The following CDHR2 variants were observed in gnomAD, a reference collection of about 807,000 sequenced individuals.
CDHR2 encodes the protein cadherin related family member 2, also known as cadherin-related family member 2.
In CDHR2, 104 loss-of-function variants were observed where a neutral mutation model predicts 138.6. The ratio of observed to expected loss-of-function variants is 0.75; its 90% CI spans 0.64 to 0.88. CDHR2 has a LOEUF of 0.88. CDHR2 is among the 40% of genes least tolerant of loss of function. The pLI is 0.00. For synonymous variants in CDHR2, 755 were observed against 742.8 expected (o/e 1.02, Z -0.27); for missense variants, 1,624 against 1,727.6 (o/e 0.94, Z 1.06).
chr5:176,573,530 C>T (rs10055245), intron 6 of CDHR2, among the ~76,000 whole-genome samples: 39,832 of 151,202 alleles, frequency 0.26, 5,515 homozygotes, highest in East Asian at 0.47. Flanking sequence ...GCCTATAATC[C>T]CACCTACTGG....
Position 176,590,326 on chromosome 5 carries a change from A to T in CDHR2, c.3349A>T (p.Ser1117Cys). 1.2e-6 allele frequency: 2 copies of T among 1,613,984 alleles called. No individual in the cohort carries two copies. Among genetic ancestry groups the T allele is most frequent in the Non-Finnish European group, 1.7e-6 (2 of 1,179,982 alleles). ...GTCAGCCCTGACCCTTGATGAGCTG[A>T]GTGTGTGAGTGGGGCTGCCCTTGGG... is the stretch of plus-strand genomic sequence containing the variant. Reference protein sequence around the residue: ...NGSALTLDELSVMIRNDQDSL... With the variant: ...NGSALTLDELCVMIRNDQDSL... Residue 1117 changes from serine (S) to cysteine (C), a missense_variant, in exon 26 of 32, where the codon AGT becomes TGT. Physicochemically the swap from Ser to Cys is moderately radical, Grantham distance 112. This residue lies in a region of CDHR2 where 556 missense variants were observed against 565.7 expected (regional missense o/e 0.98). Coordinates refer to ENST00000261944, the MANE Select transcript of CDHR2 (RefSeq NM_017675.6).
At chr5:176,550,639 T>C (rs1757684444) in intron 1 of CDHR2, among the ~76,000 whole-genome samples, 2 of 152,116 alleles carry the variant, frequency 1.3e-5, no homozygotes, top group Non-Finnish European at 2.9e-5. Flanking sequence ...GAGAAGTAAA[T>C]GAAAAAGCAG....
Position 176,584,510 on chromosome 5 carries a change from G to C in CDHR2, c.2229G>C (p.Met743Ile). 6.2e-7 allele frequency: 1 copy of C among 1,613,690 alleles called. No homozygotes were observed. The highest frequency in any genetic ancestry group is 1.3e-5 in the African/African-American group (1 of 75,034). ...SLSGSGANYF[M>I]IRGLVLGAGW... ...CGGGGAGTGGTGCCAACTACTTCAT[G>C]ATCCGAGGCTTGGTGCTGGGGGCTG... Residue 743 changes from methionine to isoleucine, a missense_variant, in exon 19 of 32, where the codon ATG becomes ATC. Transcript: ENST00000261944.
intron 1 of CDHR2, among the ~76,000 whole-genome samples, chr5:176,557,209 C>CT (rs1757854153): frequency 1.3e-5 from 2 of 149,414 alleles, no homozygotes; most frequent in South Asian, 4.2e-4. Flanking sequence ...TGTTGTTTTG[C>CT]TTTTTTTGTT....
At chr5:176,574,031 G>T in intron 6 of CDHR2, 52 bp from the exon 7 acceptor site, 1 of 1,380,976 alleles carries the variant, frequency 7.2e-7, no homozygotes. Context: ...TGACGGACAA[G>T]GGAGAGGAGG....
chr5:176,592,171 GTGGTGT>G (rs1437426715), intron 30 of CDHR2, among the ~76,000 whole-genome samples: 11 of 146,424 alleles, frequency 7.5e-5, no homozygotes, highest in Non-Finnish European at 1.4e-4. Context: ...GATGGTGGTG[GTGGTGT>G]TGGTGTTGAG....
chr5:176,544,007 C>T (rs1757522731), intron 1 of CDHR2, among the ~76,000 whole-genome samples: 1 of 152,266 alleles, frequency 6.6e-6, no homozygotes, highest in Non-Finnish European at 1.5e-5. Context: ...TCCCCGCCTC[C>T]TGGGCGCATT....
chr5:176,562,916 C>T (rs537123284), intron 1 of CDHR2, among the ~76,000 whole-genome samples: 23 of 152,322 alleles, frequency 1.5e-4, no homozygotes, highest in African/African-American at 3.8e-4. Context: ...ATTACAATTA[C>T]GCCCTATACA....
At chr5:176,571,035 T>TAA (rs1758214744) in intron 5 of CDHR2, among the ~76,000 whole-genome samples, 178 bp from the exon 6 acceptor site, 1 of 7,742 alleles carries the variant, frequency 1.3e-4, no homozygotes, top group Non-Finnish European at 2.9e-4. Context: ...ACCTGGTCTC[T>TAA]ACAAAAAAAA....
At chr5:176,580,596 C>T (rs537593083) in intron 16 of CDHR2, among the ~76,000 whole-genome samples, 9 of 151,416 alleles carry the variant, frequency 5.9e-5, no homozygotes, top group Non-Finnish European at 1.0e-4. Flanking sequence ...AAGGGCCAGA[C>T]GTGGTGGCTC....
chr5:176,585,937 C>A lies in CDHR2; in HGVS notation c.2735-17C>A. ...AGCTTTTGCCCAGAGCCAAAGCCAG[C>A]TGACCTTGTCTCCTAGGAAGCCTCC... On this transcript the variant is annotated splice_polypyrimidine_tract_variant and intron_variant, in intron 19 of 31. Transcript: ENST00000261944. 1.2e-6 allele frequency: 2 copies of A among 1,608,238 alleles called. No homozygotes were observed. Among genetic ancestry groups the A allele is most frequent in the Non-Finnish European group, 1.7e-6 (2 of 1,174,868 alleles).
chr5:176,557,999 C>G (rs1301133607), intron 1 of CDHR2, among the ~76,000 whole-genome samples: 1 of 152,026 alleles, frequency 6.6e-6, no homozygotes, highest in African/African-American at 2.4e-5. Flanking sequence ...AGCCACCGAG[C>G]CTGGCCTATC....
intron 3 of CDHR2, chr5:176,567,172 C>CTTT (rs11392917): frequency 6.5e-3 from 1,906 of 294,394 alleles, no homozygotes; most frequent in East Asian, 0.017. Flanking sequence ...GTGCACAGGA[C>CTTT]TTTTTTTTTT....
intron 3 of CDHR2, among the ~76,000 whole-genome samples, chr5:176,568,334 C>T (rs1412760452): frequency 1.3e-5 from 2 of 152,224 alleles, no homozygotes; most frequent in Non-Finnish European, 2.9e-5. Context: ...CTCTAGTCTG[C>T]ACCCAGATGC....
intron 1 of CDHR2, among the ~76,000 whole-genome samples, chr5:176,551,701 CTT>C (rs34996600): frequency 5.3e-5 from 6 of 114,282 alleles, no homozygotes; most frequent in Admixed American, 1.0e-4. Flanking sequence ...CAAGAGTTCT[CTT>C]TTTTTTTTTT....
At chr5:176,548,424 C>T (rs1248685481), upstream of CDHR2, among the ~76,000 whole-genome samples, 1 of 152,202 alleles carries the variant, frequency 6.6e-6, no homozygotes, top group Non-Finnish European at 1.5e-5. Context: ...TTCGGGAGGC[C>T]ACCACATCGG....
At chr5:176,574,254 T>G in intron 7 of CDHR2, 82 bp downstream of exon 7, 1 of 1,050,572 alleles carries the variant, frequency 9.5e-7, no homozygotes, top group Non-Finnish European at 1.5e-6. Context: ...GCCTGAACGT[T>G]GGGGTGGGGA....
rs761165431 is a variant in CDHR2, at chr5:176,584,228, C to T, written c.2097C>T (p.Ser699=). The T allele has an allele frequency of 5.0e-6, 8 of 1,614,140 alleles. No individual in the cohort carries two copies. Among genetic ancestry groups the T allele is most frequent in the Non-Finnish European group, 6.8e-6 (8 of 1,179,986 alleles). The change falls in exon 18 of 32, where the codon AGC becomes AGT. Residue 699 remains serine, a synonymous_variant. Transcript: ENST00000261944. Reference sequence around the variant, plus strand: ...ACCTGCCCATCTTCAATCAGTCCAGCTACAACTTTACGGTGAAGGAGGAGG... The same window carrying T: ...ACCTGCCCATCTTCAATCAGTCCAGTTACAACTTTACGGTGAAGGAGGAGG... ...NDNLPIFNQS[S]YNFTVKEEDP...
At chr5:176,591,533 T>C (rs761893304) in intron 30 of CDHR2, 49 bp downstream of exon 30, 2 of 1,395,624 alleles carry the variant, frequency 1.4e-6, no homozygotes, top group Admixed American at 3.4e-5. Flanking sequence ...GTGGTACAGG[T>C]AGTGACGGTG....
Sources: allele counts gnomAD v4.1 joint callset (sites outside exome capture counted in the v4.1 genomes callset), GRCh38; gene constraint gnomAD v4.1.1; regional missense constraint gnomAD v4.1.1; transcripts MANE v1.5; gene names NCBI Gene and HGNC (gene_info 2026-07-23, HGNC 2026-07-21).